The following SHANK2 variants were observed in gnomAD, a reference collection of about 807,000 sequenced individuals.
SHANK2 encodes SH3 and multiple ankyrin repeat domains 2.
A neutral mutation model predicts 133.7 loss-of-function variants in SHANK2; 43 were observed. The ratio of observed to expected loss-of-function variants is 0.32; its 90% CI spans 0.25 to 0.41. SHANK2 has a LOEUF of 0.41. SHANK2 is among the 10% of genes least tolerant of loss of function. The pLI is 1.00. For synonymous variants in SHANK2, 1,017 were observed against 952.8 expected, an observed-to-expected ratio of 1.07 and a Z score of -1.24; for missense variants, 1,994 against 2,235.8, an observed-to-expected ratio of 0.89 and a Z score of 2.18.
intron 17 of SHANK2, among the ~76,000 whole-genome samples, chr11:70,582,307 A>G (rs1554985664): frequency 1.3e-5 from 2 of 152,252 alleles, no homozygotes; most frequent in Non-Finnish European, 2.9e-5. Flanking sequence ...CGCTAACTCT[A>G]CTACTGCTGA....
intron 11 of SHANK2, among the ~76,000 whole-genome samples, chr11:70,849,402 C>T (rs538809185): frequency 1.2e-4 from 18 of 152,294 alleles, no homozygotes; most frequent in East Asian, 1.9e-4. Flanking sequence ...ATTCTGTCTA[C>T]GGGTGCACAA....
intron 14 of SHANK2, among the ~76,000 whole-genome samples, chr11:70,718,389 C>T (rs1555028013): frequency 6.6e-6 from 1 of 152,218 alleles, no homozygotes; most frequent in Admixed American, 6.5e-5. Context: ...GTGGAGGTGG[C>T]CCTGGCCCAA....
intron 2 of SHANK2, among the ~76,000 whole-genome samples, chr11:71,190,003 G>A (rs919136858): frequency 3.3e-5 from 5 of 152,238 alleles, no homozygotes; most frequent in African/African-American, 1.2e-4. Context: ...GCATGGTGAA[G>A]AGCACAGCTG....
At chr11:71,250,412 G>T (rs1160612717) in intron 1 of SHANK2, among the ~76,000 whole-genome samples, 1 of 152,144 alleles carries the variant, frequency 6.6e-6, no homozygotes, top group African/African-American at 2.4e-5. Flanking sequence ...ATTCCTATCA[G>T]GACAAGAGTC....
intron 17 of SHANK2, among the ~76,000 whole-genome samples, chr11:70,588,551 C>T (rs372032116): frequency 1.2e-4 from 19 of 152,256 alleles, no homozygotes; most frequent in African/African-American, 4.1e-4. Flanking sequence ...TTGTCCACAA[C>T]ATTCCCTTAA....
rs143161964 is a variant in SHANK2, at chr11:71,160,236, G to A, written c.-12-12898C>T. ...AGGGAATGCAAAGTGGGACTGCTCC[G>A]GAGGCTCCTGGGGACTCTGTCATCC... On this transcript the variant is annotated intron_variant, in intron 2 of 25. Transcript: ENST00000601538. 6.6e-3 allele frequency among the ~76,000 whole-genome samples: 1,011 copies of A among 152,190 alleles called. 8 individuals carry two copies. The highest frequency in any genetic ancestry group is 0.023 in the African/African-American group (969 of 41,508).
chr11:70,679,578 T>C (rs1944982584), intron 15 of SHANK2, among the ~76,000 whole-genome samples: 1 of 152,250 alleles, frequency 6.6e-6, no homozygotes, highest in Non-Finnish European at 1.5e-5. Context: ...TCCCCTGTGC[T>C]GGGGAGAAGT....
chr11:70,894,847 AAG>A (rs1555075348), intron 11 of SHANK2, among the ~76,000 whole-genome samples: 2 of 152,178 alleles, frequency 1.3e-5, no homozygotes, highest in Non-Finnish European at 2.9e-5. Flanking sequence ...GCCCCTGGTC[AAG>A]AGAGTCCCAC....
At chr11:71,248,435 C>A (rs77953270) in intron 1 of SHANK2, among the ~76,000 whole-genome samples, 1 of 152,182 alleles carries the variant, frequency 6.6e-6, no homozygotes, top group Non-Finnish European at 1.5e-5. Flanking sequence ...AACCACCGGG[C>A]GGTGTGGGGT....
At chr11:71,076,057 C>T (rs995851876) in intron 8 of SHANK2, among the ~76,000 whole-genome samples, 5 of 152,216 alleles carry the variant, frequency 3.3e-5, no homozygotes, top group Non-Finnish European at 7.3e-5. Context: ...CAGGGCCTCA[C>T]ACGAGGCTGG....
chr11:70,518,599 G>A (rs553470678), intron 17 of SHANK2, among the ~76,000 whole-genome samples: 1 of 152,268 alleles, frequency 6.6e-6, no homozygotes, highest in South Asian at 2.1e-4. Flanking sequence ...TGAAGAAACC[G>A]AGTCAATTGC....
intron 13 of SHANK2, among the ~76,000 whole-genome samples, chr11:70,800,203 TTTTTTAGAGACAGGGTC>T (rs1402964461): frequency 6.6e-6 from 1 of 152,116 alleles, no homozygotes; most frequent in African/African-American, 2.4e-5. Flanking sequence ...TATAATTACT[TTTTTTAGAGACAGGGTC>T]TCACTATGTT....
rs1228152306 is a variant in SHANK2 at position 71,075,189 on chromosome 11, C to T, written c.999G>A (p.Thr333=). 8.9e-5 allele frequency: 22 copies of T among 248,482 alleles called. No individual in the cohort carries two copies. The South Asian group carries it at 1.2e-3, about 14-fold the overall frequency. 15.4% of individuals were successfully genotyped at this position (248,482 alleles called of 1,614,324 possible). A position where few individuals can be genotyped will look rare whatever the true frequency, so the allele number is the denominator to read the frequency against. The part of the protein sequence containing the change: ...DMSAQNASGN[T]ALHICALYNQ... The stretch of plus-strand genomic sequence containing the variant: ...TGTAGAGGGCGCAGATGTGCAAGGC[C>T]GTGTTCCCCGAGGCATTCTGGGCAC... Residue 333 remains threonine (T), a synonymous_variant, in exon 9 of 26, where the codon ACG becomes ACA. Transcript: ENST00000601538.
At chr11:70,743,586 T>C (rs1243619991) in intron 14 of SHANK2, among the ~76,000 whole-genome samples, 2 of 152,200 alleles carry the variant, frequency 1.3e-5, no homozygotes, top group Non-Finnish European at 2.9e-5. Context: ...CAACATTTAC[T>C]GCACACACAC....
chr11:71,092,428 G>A lies in SHANK2; in HGVS notation c.906C>T (p.Ile302=), dbSNP rs567874269. 1 of 1,551,382 alleles carries A rather than the reference G, an allele frequency of 6.4e-7. No homozygotes were observed. Among genetic ancestry groups the A allele is most frequent in the Admixed American group, 2.0e-5 (1 of 50,978 alleles). ...GAGAAGCGGGCCCACGTACCTGGTGGATCTCGTGCCAGCCGTTCTCATCTT... is the reference window on the plus strand; with the variant it reads ...GAGAAGCGGGCCCACGTACCTGGTGAATCTCGTGCCAGCCGTTCTCATCTT... The part of the protein sequence containing the change: ...CCKDENGWHE[I]HQACRYGHVQ... Residue 302 remains isoleucine (I), a synonymous_variant, in exon 8 of 26, where the codon ATC becomes ATT. Transcript: ENST00000601538.
chr11:70,571,726 G>T (rs1051785521), intron 17 of SHANK2, among the ~76,000 whole-genome samples: 7 of 152,088 alleles, frequency 4.6e-5, no homozygotes, highest in African/African-American at 1.2e-4. Flanking sequence ...GATACTGGAG[G>T]AGTCGGCAAA....
chr11:71,244,632 A>G (rs1236396021), intron 1 of SHANK2, among the ~76,000 whole-genome samples: 1 of 152,252 alleles, frequency 6.6e-6, no homozygotes, highest in Admixed American at 6.5e-5. Context: ...ACGGGAACCC[A>G]GCTGTCTTCC....
chr11:71,086,453 TATATATAATTATGTA>T (rs1488748798), intron 8 of SHANK2, among the ~76,000 whole-genome samples: 2 of 134,638 alleles, frequency 1.5e-5, no homozygotes, highest in Non-Finnish European at 3.1e-5. Context: ...TATATTATAT[TATATATAATTATGTA>T]ATATATAATT....
intron 2 of SHANK2, among the ~76,000 whole-genome samples, chr11:71,179,109 C>G (rs550926736): frequency 1.2e-4 from 18 of 152,228 alleles, no homozygotes; most frequent in African/African-American, 4.3e-4. Context: ...TTCTGTGAGG[C>G]CAATATTACC....
Sources: allele counts gnomAD v4.1 joint callset (sites outside exome capture counted in the v4.1 genomes callset), GRCh38; gene constraint gnomAD v4.1.1; transcripts MANE v1.5; gene names NCBI Gene and HGNC (gene_info 2026-07-23, HGNC 2026-07-21).